Variants in RNF111 observed in about 807,000 individuals in gnomAD.
RNF111 encodes the protein E3 ubiquitin-protein ligase Arkadia.
In RNF111, 17 loss-of-function variants were observed where a neutral mutation model predicts 95.1. That is an observed-to-expected ratio of 0.18 (90% CI 0.12 to 0.27). The LOEUF (loss-of-function observed/expected upper bound fraction) is 0.27. RNF111 is among the 10% of genes least tolerant of loss of function. The probability of loss-of-function intolerance (pLI) is 1.00; values close to 1 mark genes in which losing one functional copy is unlikely to be tolerated. For synonymous variants in RNF111, 440 were observed against 414.8 expected, an observed-to-expected ratio of 1.06 and a Z score of -0.74; for missense variants, 1,189 against 1,210.4, an observed-to-expected ratio of 0.98 and a Z score of 0.26.
At chr15:59,065,142 G>A (rs556736643) in intron 5 of RNF111, among the ~76,000 whole-genome samples, 52 of 152,162 alleles carry the variant, frequency 3.4e-4, no homozygotes, top group African/African-American at 1.2e-3. Context: ...AGAATTCTAA[G>A]GATTCTGAGG....
At chr15:59,036,230 A>G (rs7176281) in intron 2 of RNF111, among the ~76,000 whole-genome samples, 56,404 of 151,818 alleles carry the variant, frequency 0.37, 10,591 homozygotes, top group Middle Eastern at 0.48. Context: ...GCTAATCTTT[A>G]TATTTTTATT....
intron 1 of RNF111, among the ~76,000 whole-genome samples, chr15:59,020,890 T>G (rs895427816): frequency 7.2e-5 from 11 of 152,236 alleles, no homozygotes; most frequent in African/African-American, 2.7e-4. Flanking sequence ...CAGTTTTTTA[T>G]GCCCTTCTTT....
In RNF111 at chr15:59,096,953, A is replaced by G. The variant is rs1259149876; in HGVS notation, c.*2053A>G. On this transcript the variant is annotated 3_prime_UTR_variant, in exon 14 of 14. Transcript: ENST00000348370. ...TGAATACTACATCAGATTTAGATGC[A>G]CGACTACCTGTTGACTTGTTTTATA... is the stretch of plus-strand genomic sequence containing the variant. The G allele has an allele frequency of 1.3e-5, 2 of 152,230 alleles. No homozygotes were observed. The highest frequency in any genetic ancestry group is 6.5e-5 in the Admixed American group (1 of 15,282). 9.4% of individuals were successfully genotyped at this position (152,230 alleles called of 1,614,324 possible). A position where few individuals can be genotyped will look rare whatever the true frequency, so the allele number is the denominator to read the frequency against.
rs777277081 is a variant in RNF111, at chr15:59,030,845, A to G, written c.23A>G (p.Tyr8Cys). Residue 8 changes from tyrosine to cysteine, a missense_variant, in exon 2 of 14, where the codon TAT (tyrosine) becomes TGT (cysteine). By Grantham distance (194) the Tyr-to-Cys change is radical. Transcript: ENST00000348370. ...CCCATGTCTCAATGGACTCCTGAATATAACGAGCTCTACACCTTAAAAGTG... is the reference window on the plus strand; with the variant it reads ...CCCATGTCTCAATGGACTCCTGAATGTAACGAGCTCTACACCTTAAAAGTG... The part of the protein sequence containing the change: MSQWTPE[Y>C]NELYTLKVDM... 8 of 1,580,304 alleles carry G rather than the reference A, an allele frequency of 5.1e-6. No homozygotes were observed. In the African/African-American group the frequency reaches 7.6e-5, roughly 15 times the overall value.
At chr15:59,013,426 T>C (rs1278804783) in intron 1 of RNF111, among the ~76,000 whole-genome samples, 1 of 152,202 alleles carries the variant, frequency 6.6e-6, no homozygotes, top group African/African-American at 2.4e-5. Context: ...GTTTTGTGGG[T>C]TACCTGTCAA....
intron 2 of RNF111, 55 bp from the exon 3 acceptor site, chr15:59,052,250 C>G: frequency 1.4e-6 from 2 of 1,429,590 alleles, no homozygotes; most frequent in Non-Finnish European, 1.8e-6. Flanking sequence ...AAATTTCTGC[C>G]TAACGATTAG....
chr15:59,038,531 C>G (rs2041294282), intron 2 of RNF111, among the ~76,000 whole-genome samples: 1 of 152,104 alleles, frequency 6.6e-6, no homozygotes, highest in Non-Finnish European at 1.5e-5. Context: ...AACTTTTAGA[C>G]TTACACAAAA....
intron 10 of RNF111, 135 bp downstream of exon 10, chr15:59,085,920 C>T: frequency 1.3e-6 from 1 of 791,554 alleles, no homozygotes; most frequent in Non-Finnish European, 1.9e-6. Flanking sequence ...TAAAATTGTG[C>T]TATAAAAAGG....
chr15:59,075,462 C>T (rs1271041804), intron 6 of RNF111, among the ~76,000 whole-genome samples: 1 of 152,140 alleles, frequency 6.6e-6, no homozygotes, highest in African/African-American at 2.4e-5. Context: ...TGTTTATTAG[C>T]ACTTTAATTG....
intron 2 of RNF111, among the ~76,000 whole-genome samples, chr15:59,043,379 ACTC>A (rs1415079400): frequency 6.6e-6 from 1 of 151,214 alleles, no homozygotes; most frequent in Non-Finnish European, 1.5e-5. Flanking sequence ...CTGGTCTTGA[ACTC>A]CTGACCTCAG....
intron 9 of RNF111, 51 bp downstream of exon 9, chr15:59,084,305 C>G: frequency 6.9e-7 from 1 of 1,444,788 alleles, no homozygotes; most frequent in Non-Finnish European, 9.2e-7. Flanking sequence ...TGTGGTAAAA[C>G]TATTGGAAGA....
chr15:59,012,003 C>CTTTTTTTTTTTT lies in RNF111; in HGVS notation c.-19-18783_-19-18772dup, dbSNP rs71425836. Among the ~76,000 whole-genome samples, 138 of 40,456 alleles carry CTTTTTTTTTTTT rather than the reference C, an allele frequency of 3.4e-3. 28 individuals carry two copies. Among genetic ancestry groups the CTTTTTTTTTTTT allele is most frequent in the African/African-American group, 5.5e-3 (67 of 12,122 alleles). 26.5% of individuals were successfully genotyped at this position (40,456 alleles called of 152,430 possible). Reference sequence around the variant, plus strand: ...TTAGTGTTCTTTTTTGTTTGTTTGCCTTTTTTTTTTTTTTTTTTTTTTTTT... The same window carrying CTTTTTTTTTTTT: ...TTAGTGTTCTTTTTTGTTTGTTTGCCTTTTTTTTTTTTTTTTTTTTTTTTTTTTTTTTTTTTT... On this transcript the variant is annotated intron_variant, in intron 1 of 13. Coordinates refer to ENST00000348370, the MANE Select transcript of RNF111 (RefSeq NM_017610.8).
chr15:58,992,040 T>G (rs948422239), intron 1 of RNF111, among the ~76,000 whole-genome samples: 2 of 151,968 alleles, frequency 1.3e-5, no homozygotes, highest in Admixed American at 6.6e-5. Flanking sequence ...ATGTCTGGTA[T>G]TTTATTTTAT....
chr15:59,062,155 G>C (rs2042467902), intron 5 of RNF111, among the ~76,000 whole-genome samples: 1 of 148,598 alleles, frequency 6.7e-6, no homozygotes, highest in South Asian at 2.1e-4. Flanking sequence ...TGATCCTCCT[G>C]CATCAGCCCC....
chr15:59,035,663 C>G (rs1181618703), intron 2 of RNF111, among the ~76,000 whole-genome samples: 2 of 152,180 alleles, frequency 1.3e-5, no homozygotes, highest in African/African-American at 4.8e-5. Context: ...TGCATATACC[C>G]TAAATCATCT....
At chr15:59,022,594 A>G (rs1018581842) in intron 1 of RNF111, among the ~76,000 whole-genome samples, 10 of 152,166 alleles carry the variant, frequency 6.6e-5, no homozygotes, top group African/African-American at 2.2e-4. Context: ...TCCTCTTTTA[A>G]CAAGTAATTG....
chr15:59,071,272 C>G (rs1291598745), intron 6 of RNF111, among the ~76,000 whole-genome samples: 9 of 143,728 alleles, frequency 6.3e-5, no homozygotes, highest in Non-Finnish European at 1.0e-4. Flanking sequence ...GCACTCCAGC[C>G]TGGGCAACAG....
At chr15:58,997,366 C>T (rs1286627226) in intron 1 of RNF111, among the ~76,000 whole-genome samples, 2 of 152,230 alleles carry the variant, frequency 1.3e-5, no homozygotes, top group Admixed American at 1.3e-4. Flanking sequence ...TTCTCATTTT[C>T]TATGTAACTG....
chr15:59,029,603 G>A (rs2040806740), intron 1 of RNF111, among the ~76,000 whole-genome samples: 1 of 152,154 alleles, frequency 6.6e-6, no homozygotes, highest in South Asian at 2.1e-4. Context: ...ATATATTTCT[G>A]TAACCCATTT....
Sources: gnomAD v4.1 joint callset for allele counts (sites outside exome capture counted in the v4.1 genomes callset) on GRCh38, gnomAD v4.1.1 for gene constraint, MANE v1.5 for transcripts, NCBI Gene and HGNC (gene_info 2026-07-23, HGNC 2026-07-21) for gene names.